AAMDC: variants seen among roughly 807,000 people sequenced by gnomAD.
AAMDC encodes mth938 domain-containing protein.
AAMDC carries 16 observed loss-of-function variants against 15.5 expected under a neutral mutation model. The ratio of observed to expected loss-of-function variants is 1.03; its 90% CI spans 0.70 to 1.57. The LOEUF (loss-of-function observed/expected upper bound fraction) is 1.57, where lower values mean the gene tolerates loss of function less well. Among genes scored for constraint, AAMDC ranks in the 40% most tolerant of loss-of-function variants. The pLI, the probability that AAMDC is intolerant of heterozygous loss-of-function variation, is 0.00. For missense variants in AAMDC, 141 were observed against 144.9 expected, an observed-to-expected ratio of 0.97 and a Z score of 0.14; for synonymous variants, 51 against 51.6, an observed-to-expected ratio of 0.99 and a Z score of 0.05.
intron 3 of AAMDC, among the ~76,000 whole-genome samples, chr11:77,871,313 T>C (rs1203873974): frequency 6.6e-6 from 1 of 152,216 alleles, no homozygotes; most frequent in Non-Finnish European, 1.5e-5. Context: ...TATCTAATAA[T>C]AGCTGTCACT....
At chr11:77,872,850 A>C (rs1170515421), downstream of AAMDC, among the ~76,000 whole-genome samples, 1 of 152,232 alleles carries the variant, frequency 6.6e-6, no homozygotes, top group African/African-American at 2.4e-5. Context: ...TGGGAGGCTA[A>C]GGCAGCAGGA....
At chr11:77,883,459 G>A (rs1040084113) in intron 5 of AAMDC, among the ~76,000 whole-genome samples, 1 of 152,060 alleles carries the variant, frequency 6.6e-6, no homozygotes, top group African/African-American at 2.4e-5. Flanking sequence ...TTGTCATTTG[G>A]AAGATAAGGA....
At chr11:77,866,986 G>C (rs572172307) in intron 2 of AAMDC, among the ~76,000 whole-genome samples, 1 of 151,994 alleles carries the variant, frequency 6.6e-6, no homozygotes, top group African/African-American at 2.4e-5. Context: ...AATTACAGGC[G>C]CATGTCACCA....
intron 5 of AAMDC, among the ~76,000 whole-genome samples, chr11:77,896,461 G>A (rs1419640020): frequency 1.3e-5 from 2 of 152,104 alleles, no homozygotes; most frequent in Non-Finnish European, 2.9e-5. Flanking sequence ...AGACCAGCCT[G>A]ACCAAACATG....
intron 5 of AAMDC, among the ~76,000 whole-genome samples, chr11:77,880,007 G>C (rs1951731761): frequency 6.6e-6 from 1 of 152,184 alleles, no homozygotes; most frequent in Non-Finnish European, 1.5e-5. Flanking sequence ...TTTGAGCCCA[G>C]TTCATAAACT....
chr11:77,839,494 A>G (rs1258960896), intron 1 of AAMDC, among the ~76,000 whole-genome samples: 1 of 152,202 alleles, frequency 6.6e-6, no homozygotes, highest in Non-Finnish European at 1.5e-5. Context: ...AATATAAATC[A>G]TTCTGTTATA....
At chr11:77,896,497 A>G (rs1952524299) in intron 5 of AAMDC, among the ~76,000 whole-genome samples, 1 of 152,092 alleles carries the variant, frequency 6.6e-6, no homozygotes, top group South Asian at 2.1e-4. Flanking sequence ...TACTAAAAAT[A>G]CAAAATTAGC....
chr11:77,821,764 G>A (rs940577850), intron 1 of AAMDC, among the ~76,000 whole-genome samples: 2 of 152,170 alleles, frequency 1.3e-5, no homozygotes, highest in Admixed American at 6.5e-5. Context: ...AAGAACGCCA[G>A]AGAGAAACTA....
chr11:77,879,257 C>T (rs1565218285), intron 5 of AAMDC: 1 of 926,430 alleles, frequency 1.1e-6, no homozygotes, highest in East Asian at 2.6e-5. Flanking sequence ...CATTCCCTCC[C>T]CTTACCCTCA....
At chr11:77,828,309 T>C (rs1949270553) in intron 1 of AAMDC, among the ~76,000 whole-genome samples, 1 of 151,602 alleles carries the variant, frequency 6.6e-6, no homozygotes, top group Non-Finnish European at 1.5e-5. Context: ...AAAAAAATGA[T>C]ATCAATAACT....
At chr11:77,877,849 T>C (rs1248613581) in intron 5 of AAMDC, among the ~76,000 whole-genome samples, 1 of 151,918 alleles carries the variant, frequency 6.6e-6, no homozygotes, top group Non-Finnish European at 1.5e-5. Context: ...AATCCCAAAG[T>C]CCTGGGATTA....
At chr11:77,849,583 T>G (rs1008610018) in intron 2 of AAMDC, among the ~76,000 whole-genome samples, 1 of 152,228 alleles carries the variant, frequency 6.6e-6, no homozygotes, top group Non-Finnish European at 1.5e-5. Context: ...TGGTTCAAAC[T>G]CCTGGGCTCA....
chr11:77,830,626 G>A (rs976899354), intron 1 of AAMDC, among the ~76,000 whole-genome samples: 10 of 151,798 alleles, frequency 6.6e-5, no homozygotes, highest in East Asian at 1.9e-4. Context: ...TTTTATTCCC[G>A]CGTTTGCCCC....
At chr11:77,850,987 G>A (rs2508184) in intron 2 of AAMDC, 56,751 of 135,894 alleles carry the variant, frequency 0.42, 11,671 homozygotes, top group African/African-American at 0.53. Context: ...ATGGAGTCTC[G>A]CTCTGTGGCC....
At chr11:77,862,682 T>C (rs1014636228) in intron 2 of AAMDC, among the ~76,000 whole-genome samples, 1 of 152,146 alleles carries the variant, frequency 6.6e-6, no homozygotes, top group African/African-American at 2.4e-5. Context: ...TTTTACATAA[T>C]TGCGAGTTGT....
At chr11:77,881,647 A>G (rs747693886) in intron 5 of AAMDC, among the ~76,000 whole-genome samples, 1 of 152,196 alleles carries the variant, frequency 6.6e-6, no homozygotes, top group East Asian at 1.9e-4. Flanking sequence ...CTTGTATTCA[A>G]TTTTCATTAT....
chr11:77,860,942 T>C (rs1394578817), intron 2 of AAMDC, among the ~76,000 whole-genome samples: 1 of 152,100 alleles, frequency 6.6e-6, no homozygotes, highest in African/African-American at 2.4e-5. Flanking sequence ...ACCCCTAAAA[T>C]TGGAGTATTG....
chr11:77,829,470 T>C (rs1281735083), intron 1 of AAMDC, among the ~76,000 whole-genome samples: 2 of 152,150 alleles, frequency 1.3e-5, no homozygotes, highest in Non-Finnish European at 2.9e-5. Flanking sequence ...CTAGAGTAAA[T>C]TGATTTAAAA....
downstream of AAMDC, among the ~76,000 whole-genome samples, chr11:77,902,297 C>G (rs1591034818): frequency 6.6e-6 from 1 of 152,210 alleles, no homozygotes; most frequent in Non-Finnish European, 1.5e-5. Context: ...ATGTGTTTAT[C>G]ACAGTATCTG....
Sources: gnomAD v4.1 joint callset for allele counts (sites outside exome capture counted in the v4.1 genomes callset) on GRCh38, gnomAD v4.1.1 for gene constraint, MANE v1.5 for transcripts, NCBI Gene and HGNC (gene_info 2026-07-23, HGNC 2026-07-21) for gene names.